Variants in PFDN6 observed in about 807,000 individuals in gnomAD.
PFDN6 encodes prefoldin subunit 6, also known as HLA class II region expressed gene KE2.
A neutral mutation model predicts 19.3 loss-of-function variants in PFDN6; 5 were observed. The ratio of observed to expected loss-of-function variants is 0.26; its 90% CI spans 0.14 to 0.55. PFDN6 has a LOEUF of 0.55. Ranked by LOEUF, PFDN6 falls within the 20% of genes least tolerant of loss-of-function variation. The pLI is 0.94. For missense variants in PFDN6, 101 were observed against 149.4 expected (o/e 0.68, Z 1.69); for synonymous variants, 51 against 63.4 (o/e 0.80, Z 0.93).
chr6:33,289,420 A>T, upstream of PFDN6: 1 of 1,304,510 alleles, frequency 7.7e-7, no homozygotes, highest in Non-Finnish European at 9.7e-7. Flanking sequence ...GCCAGGGGCT[A>T]AGTAGCGGTG....
upstream of PFDN6, chr6:33,289,351 A>C: frequency 1.5e-6 from 2 of 1,342,840 alleles, no homozygotes; most frequent in Non-Finnish European, 1.9e-6. Flanking sequence ...AGTTTTTGGC[A>C]CCTTATCGCG....
upstream of PFDN6, chr6:33,289,352 C>T (rs1295432258): frequency 2.2e-6 from 3 of 1,342,260 alleles, no homozygotes; most frequent in South Asian, 4.2e-5. Context: ...GTTTTTGGCA[C>T]CTTATCGCGA....
chr6:33,289,225 T>G (rs756451847), upstream of PFDN6: 20 of 1,576,802 alleles, frequency 1.3e-5, no homozygotes, highest in Non-Finnish European at 1.7e-5. Context: ...TGCCACACAG[T>G]CGGCTTGAAA....
At position 33,290,913 on chromosome 6, in the gene PFDN6, A is replaced by G; in HGVS notation, c.*68A>G. On this transcript the variant is annotated 3_prime_UTR_variant, in exon 4 of 4. Transcript: ENST00000374606. Reference sequence around the variant, plus strand: ...AGCTCTAGGATCTATACTGTAGCTAATAAAATGTAAAAACACCTGGCTCTG... The same window carrying G: ...AGCTCTAGGATCTATACTGTAGCTAGTAAAATGTAAAAACACCTGGCTCTG... 7.0e-7 allele frequency: 1 copy of G among 1,423,488 alleles called. No homozygotes were observed. The highest frequency in any genetic ancestry group is 1.2e-5 in the South Asian group (1 of 80,542). 88.2% of individuals were successfully genotyped at this position (1,423,488 alleles called of 1,614,324 possible). A position where few individuals can be genotyped will look rare whatever the true frequency, so the allele number is the denominator to read the frequency against.
upstream of PFDN6, chr6:33,289,236 A>G: frequency 1.3e-6 from 2 of 1,555,588 alleles, no homozygotes; most frequent in East Asian, 2.3e-5. Flanking sequence ...CGGCTTGAAA[A>G]CTCCCGGAAG....
In PFDN6 at chr6:33,289,722, T is replaced by G. The variant is rs1444167905; in HGVS notation, c.-135T>G. On this transcript the variant is annotated 5_prime_UTR_variant, in exon 1 of 4. Transcript: ENST00000374606. Reference sequence around the variant, plus strand: ...TCGATATCCGGGACGGGGGGGAGGTTGCGGTGCCCCTCAGGGCTACCTCTC... The same window carrying G: ...TCGATATCCGGGACGGGGGGGAGGTGGCGGTGCCCCTCAGGGCTACCTCTC... 10 of 666,170 alleles carry G rather than the reference T, an allele frequency of 1.5e-5. No individual in the cohort carries two copies. Among genetic ancestry groups the G allele is most frequent in the Non-Finnish European group, 2.2e-5 (9 of 416,494 alleles). The allele number at this position is 666,170 out of a possible 1,614,324, so 41.3% of individuals were successfully genotyped here.
chr6:33,290,278 C>A, intron 2 of PFDN6, 34 bp downstream of exon 2: 1 of 1,613,984 alleles, frequency 6.2e-7, no homozygotes, highest in Non-Finnish European at 8.5e-7. Flanking sequence ...CGAGGAGGGA[C>A]CTGTACTAGC....
chr6:33,289,834 C>T lies in PFDN6; in HGVS notation c.-23C>T, dbSNP rs762329333. 1.3e-6 allele frequency: 2 copies of T among 1,574,392 alleles called. No homozygotes were observed. The highest frequency in any genetic ancestry group is 8.6e-7 in the Non-Finnish European group (1 of 1,162,094). On this transcript the variant is annotated 5_prime_UTR_variant, in exon 1 of 4. Coordinates refer to ENST00000374606, the MANE Select transcript of PFDN6 (RefSeq NM_001185181.3). The stretch of plus-strand genomic sequence containing the variant: ...TGAGACCCAGCGCCCTTGTCTCGCA[C>T]CCAGTAGGCTTTCATCCCCGCCATG...
chr6:33,289,527 C>T (rs1370577352), upstream of PFDN6: 2 of 1,042,300 alleles, frequency 1.9e-6, no homozygotes, highest in African/African-American at 3.3e-5. Flanking sequence ...GTCAGAACTA[C>T]ACTTCCCATC....
At position 33,290,238 on chromosome 6, in the gene PFDN6, G is replaced by C; in HGVS notation, c.129G>C (p.Val43=). 6.2e-7 allele frequency: 1 copy of C among 1,614,200 alleles called. No individual in the cohort carries two copies. Among genetic ancestry groups the C allele is most frequent in the East Asian group, 2.2e-5 (1 of 44,888 alleles). ...CACAACTAACAGAAAATAATATCGT[G>C]AAAGAGGTGAGGGACTGGGATTTGT... ...LEAQLTENNI[V]KEELALLDGS... Residue 43 remains valine (V), a synonymous_variant, in exon 2 of 4, where the codon GTG becomes GTC. Coordinates refer to ENST00000374606, the MANE Select transcript of PFDN6 (RefSeq NM_001185181.3).
intron 1 of PFDN6, 97 bp from the exon 2 acceptor site, chr6:33,290,077 C>A: frequency 7.1e-7 from 1 of 1,402,418 alleles, no homozygotes; most frequent in Non-Finnish European, 1.0e-6. Flanking sequence ...CTGCCCCCAT[C>A]CTTTTCTGCT....
chr6:33,290,561 CA>C, intron 3 of PFDN6, 111 bp downstream of exon 3: 1 of 1,469,236 alleles, frequency 6.8e-7, no homozygotes, highest in East Asian at 2.3e-5. Context: ...CCTAGTCCTC[CA>C]GTTCCTCCAA....
In PFDN6 at chr6:33,290,713, TAGTA is replaced by T; in HGVS notation, c.261_264del (p.Lys88AspfsTer63). On this transcript the variant is annotated splice_acceptor_variant and coding_sequence_variant, in exon 4 of 4. Transcript: ENST00000374606. LOFTEE classifies it high-confidence loss of function. ...TCTGCTTGTCTCCCTTGTCTCTCCT[TAGTA>T]AGCGATACGAATCCCAGCTTCGGGA... The T allele has an allele frequency of 1.2e-6, 2 of 1,613,288 alleles. No individual in the cohort carries two copies. The highest frequency in any genetic ancestry group is 1.7e-6 in the Non-Finnish European group (2 of 1,179,816).
upstream of PFDN6, chr6:33,289,304 CTT>C: frequency 6.8e-7 from 1 of 1,462,172 alleles, no homozygotes; most frequent in Non-Finnish European, 9.0e-7. Flanking sequence ...TAGGTGCCAT[CTT>C]GAGTGAGGGC....
Position 33,290,436 on chromosome 6 carries a change from T to C in PFDN6, c.246T>C (p.Tyr82=). The C allele has an allele frequency of 6.4e-7, 1 of 1,562,490 alleles. No homozygotes were observed. The highest frequency in any genetic ancestry group is 8.7e-7 in the Non-Finnish European group (1 of 1,155,966). ...CCACAGTAGGGAAGAGGCTGGACTA[T>C]ATCACAGCTGAAATGTGAGTTTTTA... ...ARATVGKRLD[Y]ITAEIKRYES... Residue 82 remains tyrosine (Y), a synonymous_variant, in exon 3 of 4, where the codon TAT becomes TAC. Coordinates refer to ENST00000374606, the MANE Select transcript of PFDN6 (RefSeq NM_001185181.3).
chr6:33,290,075 A>G, intron 1 of PFDN6, 99 bp from the exon 2 acceptor site: 1 of 1,395,622 alleles, frequency 7.2e-7, no homozygotes, highest in South Asian at 1.2e-5. Flanking sequence ...CGCTGCCCCC[A>G]TCCTTTTCTG....
At position 33,290,834 on chromosome 6, in the gene PFDN6, G is replaced by T. The variant is rs767083338; in HGVS notation, c.379G>T (p.Gly127Cys). ...CCAGGCAGCAAAGGCAGGGGCTCCT[G>T]GCAAGGCCTGACCCCATGGTGGGGG... ...RAQAAKAGAPGKA is the reference protein window; with the variant it reads ...RAQAAKAGAPCKA Residue 127 changes from glycine to cysteine, a missense_variant, in exon 4 of 4, where the codon GGC (glycine) becomes TGC (cysteine). Physicochemically the swap from Gly to Cys is radical, Grantham distance 159. Coordinates refer to ENST00000374606, the MANE Select transcript of PFDN6 (RefSeq NM_001185181.3). 6.2e-7 allele frequency: 1 copy of T among 1,600,306 alleles called. No individual in the cohort carries two copies. Among genetic ancestry groups the T allele is most frequent in the Non-Finnish European group, 8.5e-7 (1 of 1,179,230 alleles).
Position 33,289,753 on chromosome 6 carries a change from T to G in PFDN6, c.-104T>G. On this transcript the variant is annotated 5_prime_UTR_variant, in exon 1 of 4. Transcript: ENST00000374606. Reference sequence around the variant, plus strand: ...GCCCCTCAGGGCTACCTCTCAAGAGTGCTATCATTTCCGCAGGCCAGATCA... The same window carrying G: ...GCCCCTCAGGGCTACCTCTCAAGAGGGCTATCATTTCCGCAGGCCAGATCA... 1.1e-6 allele frequency: 1 copy of G among 913,864 alleles called. No individual in the cohort carries two copies. The highest frequency in any genetic ancestry group is 1.6e-6 in the Non-Finnish European group (1 of 606,366). 56.6% of individuals were successfully genotyped at this position (913,864 alleles called of 1,614,324 possible).
intron 3 of PFDN6, 106 bp downstream of exon 3, chr6:33,290,556 T>TC: frequency 6.8e-7 from 1 of 1,461,660 alleles, no homozygotes; most frequent in Non-Finnish European, 9.3e-7. Context: ...TGGCCCCTAG[T>TC]CCTCCAGTTC....
Sources: gnomAD v4.1 joint callset for allele counts on GRCh38, gnomAD v4.1.1 for gene constraint, MANE v1.5 for transcripts, NCBI Gene and HGNC (gene_info 2026-07-23, HGNC 2026-07-21) for gene names.